FAM135B: variants seen among roughly 807,000 people sequenced by gnomAD.
FAM135B encodes protein FAM135B.
In FAM135B, 43 loss-of-function variants were observed where a neutral mutation model predicts 127.7. The observed-to-expected ratio is 0.34, with a 90% CI of 0.26 to 0.43. FAM135B has a LOEUF of 0.43. FAM135B is among the 20% of genes least tolerant of loss of function. The pLI is 1.00. For missense variants in FAM135B, 1,558 were observed against 1,725.6 expected (o/e 0.90, Z 1.72); for synonymous variants, 670 against 665.1 (o/e 1.01, Z -0.11).
chr8:138,290,505 G>C (rs1331945191), intron 3 of FAM135B, among the ~76,000 whole-genome samples: 1 of 152,042 alleles, frequency 6.6e-6, no homozygotes, highest in Non-Finnish European at 1.5e-5. Flanking sequence ...TGTGTGTTTT[G>C]TTTGCTTGAA....
rs1830857870 is a variant in FAM135B, at chr8:138,367,927, A to G, written c.57T>C (p.Asn19=). 2.5e-6 allele frequency: 4 copies of G among 1,613,014 alleles called. No individual in the cohort carries two copies. Among genetic ancestry groups the G allele is most frequent in the South Asian group, 1.1e-5 (1 of 91,062 alleles). Residue 19 remains asparagine, a synonymous_variant, in exon 2 of 20, where the codon AAT becomes AAC. Coordinates refer to ENST00000395297, the MANE Select transcript of FAM135B (RefSeq NM_015912.4). ...CTTACCCTCTCTGAAAGAGATCCAC[A>G]TTATAAAATTTATGTAGCTCTACCG... is the stretch of plus-strand genomic sequence containing the variant. The part of the protein sequence containing the change: ...EFSVELHKFY[N]VDLFQRGYYQ...
intron 2 of FAM135B, among the ~76,000 whole-genome samples, chr8:138,366,042 G>C (rs1830709988): frequency 2.0e-5 from 3 of 151,622 alleles, no homozygotes; most frequent in African/African-American, 7.3e-5. Flanking sequence ...GTGCACCCTG[G>C]GGAGAATGCA....
chr8:138,142,792 A>G (rs1817320947), intron 16 of FAM135B: 2 of 453,054 alleles, frequency 4.4e-6, no homozygotes, highest in Non-Finnish European at 3.9e-6. Flanking sequence ...TTTCTACAGA[A>G]CTACAAAATT....
intron 4 of FAM135B, among the ~76,000 whole-genome samples, chr8:138,257,395 CCTTTG>C (rs1822174588): frequency 6.7e-6 from 1 of 150,148 alleles, no homozygotes; most frequent in Non-Finnish European, 1.5e-5. Context: ...CTGCTTTTGT[CCTTTG>C]CTTTAAGAAA....
At chr8:138,134,232 G>A (rs770664970) in intron 19 of FAM135B, among the ~76,000 whole-genome samples, 41 of 152,206 alleles carry the variant, frequency 2.7e-4, no homozygotes, top group Non-Finnish European at 4.4e-4. Context: ...TGAACATTAC[G>A]TAATAATATT....
At chr8:138,493,008 A>C (rs1815263051) in intron 1 of FAM135B, among the ~76,000 whole-genome samples, 1 of 151,984 alleles carries the variant, frequency 6.6e-6, no homozygotes, top group South Asian at 2.1e-4. Context: ...GCCCTGTACC[A>C]GGCACATCAC....
At chr8:138,470,236 C>T (rs1837603921) in intron 1 of FAM135B, among the ~76,000 whole-genome samples, 1 of 152,092 alleles carries the variant, frequency 6.6e-6, no homozygotes. Context: ...TTAGAACACA[C>T]ATCACAAGCC....
At chr8:138,450,487 T>C (rs972447481) in intron 1 of FAM135B, 3 of 152,222 alleles carry the variant, frequency 2.0e-5, no homozygotes, top group Non-Finnish European at 4.4e-5. Context: ...GTTCCTATTT[T>C]TTTCCACCCT....
intron 3 of FAM135B, among the ~76,000 whole-genome samples, chr8:138,292,247 C>A (rs1377813580): frequency 1.3e-5 from 2 of 151,924 alleles, no homozygotes; most frequent in Non-Finnish European, 2.9e-5. Flanking sequence ...AAATATAAGA[C>A]ACTAATGAAA....
At chr8:138,486,172 G>C (rs1326204502) in intron 1 of FAM135B, among the ~76,000 whole-genome samples, 2 of 151,936 alleles carry the variant, frequency 1.3e-5, no homozygotes, top group Non-Finnish European at 2.9e-5. Flanking sequence ...TAAGAGACAA[G>C]CAGAAGGAGT....
chr8:138,446,634 C>T (rs533648715), intron 1 of FAM135B, among the ~76,000 whole-genome samples: 9 of 152,196 alleles, frequency 5.9e-5, no homozygotes, highest in African/African-American at 2.2e-4. Flanking sequence ...CCCTTCCTTA[C>T]ACCTTATACA....
chr8:138,208,414 C>T (rs181363009), intron 7 of FAM135B, among the ~76,000 whole-genome samples: 143 of 152,288 alleles, frequency 9.4e-4, no homozygotes, highest in Middle Eastern at 3.4e-3. Context: ...AATCTTTTTG[C>T]TCATAGTTTT....
At chr8:138,170,258 T>A (rs1048341088) in intron 11 of FAM135B, among the ~76,000 whole-genome samples, 1 of 150,480 alleles carries the variant, frequency 6.6e-6, no homozygotes, top group Non-Finnish European at 1.5e-5. Flanking sequence ...GTTTCGCTCT[T>A]GTTGCCCAGG....
chr8:138,267,868 T>C (rs1250325869), intron 3 of FAM135B, among the ~76,000 whole-genome samples: 2 of 152,238 alleles, frequency 1.3e-5, no homozygotes, highest in Admixed American at 6.5e-5. Flanking sequence ...TGTATTCAAA[T>C]TGATGCGGCT....
chr8:138,149,136 AAAATAAATAAAT>A (rs148497404), intron 13 of FAM135B, among the ~76,000 whole-genome samples: 1 of 127,612 alleles, frequency 7.8e-6, no homozygotes, highest in Non-Finnish European at 1.7e-5. Flanking sequence ...TAATAATAAA[AAAATAAATAAAT>A]AAATAAATAA....
chr8:138,314,854 T>C (rs1826957682), intron 2 of FAM135B, among the ~76,000 whole-genome samples: 1 of 138,798 alleles, frequency 7.2e-6, no homozygotes, highest in Non-Finnish European at 1.5e-5. Flanking sequence ...CACTCCAGCC[T>C]GGTTGTCAGG....
chr8:138,376,339 C>A (rs543436691), intron 1 of FAM135B, among the ~76,000 whole-genome samples: 3 of 152,278 alleles, frequency 2.0e-5, no homozygotes, highest in South Asian at 2.1e-4. Flanking sequence ...ATCTCCGCCT[C>A]CAAAGCCATC....
chr8:138,237,495 C>G (rs1186470909), intron 7 of FAM135B, among the ~76,000 whole-genome samples: 1 of 152,132 alleles, frequency 6.6e-6, no homozygotes, highest in African/African-American at 2.4e-5. Context: ...TCTGTCAGAG[C>G]CTGAGTATTC....
intron 2 of FAM135B, among the ~76,000 whole-genome samples, chr8:138,346,890 C>T (rs1829448776): frequency 6.6e-6 from 1 of 152,166 alleles, no homozygotes; most frequent in Non-Finnish European, 1.5e-5. Flanking sequence ...TGGCAGGTAG[C>T]AAGCACTCAC....
Sources: gnomAD v4.1 joint callset for allele counts (sites outside exome capture counted in the v4.1 genomes callset) on GRCh38, gnomAD v4.1.1 for gene constraint, MANE v1.5 for transcripts, NCBI Gene and HGNC (gene_info 2026-07-23, HGNC 2026-07-21) for gene names.